Variants in KL observed in about 807,000 individuals in gnomAD.
KL encodes klotho.
In KL, 62 loss-of-function variants were observed where a neutral mutation model predicts 84.2. The observed-to-expected ratio is 0.74, with a 90% CI of 0.60 to 0.91. KL has a LOEUF of 0.91. Ranked by LOEUF, KL falls within the 40% of genes least tolerant of loss-of-function variation. The pLI is 0.00. For missense variants in KL, 1,261 were observed against 1,305.7 expected, an observed-to-expected ratio of 0.97 and a Z score of 0.53; for synonymous variants, 528 against 528.0, an observed-to-expected ratio of 1.00 and a Z score of 0.00.
rs1236519624 is a variant in KL at position 33,061,439 on chromosome 13, C to A, written c.2360C>A (p.Pro787His). The stretch of plus-strand genomic sequence containing the variant: ...AACCAAAGAAACAATTTTCTTCTTC[C>A]TTATTTCACTGAAGATGAAAAAAAG... ...WLNQRNNFLLPYFTEDEKKLI... is the reference protein window; with the variant it reads ...WLNQRNNFLLHYFTEDEKKLI... The change falls in exon 4 of 5, where the codon CCT becomes CAT. Residue 787 changes from proline (P) to histidine (H), a missense_variant. Coordinates refer to ENST00000380099, the MANE Select transcript of KL (RefSeq NM_004795.4). 1 of 1,614,160 alleles carries A rather than the reference C, an allele frequency of 6.2e-7. No individual in the cohort carries two copies. The highest frequency in any genetic ancestry group is 2.2e-5 in the East Asian group (1 of 44,886).
intron 1 of KL, among the ~76,000 whole-genome samples, chr13:33,024,573 T>C (rs532196215): frequency 6.6e-6 from 1 of 152,286 alleles, no homozygotes; most frequent in African/African-American, 2.4e-5. Context: ...AGGGCTCTTT[T>C]CGTGAGGGTC....
Position 33,055,227 on chromosome 13 carries a change from A to G in KL, c.1511A>G (p.Asn504Ser). The G allele has an allele frequency of 6.2e-7, 1 of 1,614,240 alleles. No homozygotes were observed. The highest frequency in any genetic ancestry group is 8.5e-7 in the Non-Finnish European group (1 of 1,180,044). ...TTCTACCAAAAGCTGATAGAGAAAA[A>G]TGGCTTCCCTCCTTTACCTGAAAAT... ...ALFYQKLIEK[N>S]GFPPLPENQP... The change falls in exon 3 of 5, where the codon AAT (asparagine) becomes AGT (serine). Residue 504 changes from asparagine to serine, a missense_variant. Transcript: ENST00000380099.
At chr13:33,018,951 A>G (rs1197079516) in intron 1 of KL, among the ~76,000 whole-genome samples, 3 of 152,170 alleles carry the variant, frequency 2.0e-5, no homozygotes, top group African/African-American at 7.2e-5. Context: ...AATAATCAAC[A>G]TGTTTTAGAT....
rs755125157 is a variant in KL at position 33,055,127 on chromosome 13, A to G, written c.1411A>G (p.Ser471Gly). 9 of 1,614,200 alleles carry G rather than the reference A, an allele frequency of 5.6e-6. No homozygotes were observed. ...TGGTTTCGAGTGGCACAGAGGTTACAGCATCAGGCGTGGACTCTTCTATGT... is the reference window on the plus strand; with the variant it reads ...TGGTTTCGAGTGGCACAGAGGTTACGGCATCAGGCGTGGACTCTTCTATGT... ...MDGFEWHRGY[S>G]IRRGLFYVDF... Residue 471 changes from serine (S) to glycine (G), a missense_variant, in exon 3 of 5, where the codon AGC becomes GGC. By Grantham distance (56) the Ser-to-Gly change is moderately conservative. Transcript: ENST00000380099.
intron 1 of KL, among the ~76,000 whole-genome samples, chr13:33,027,008 A>G (rs1250027869): frequency 6.6e-6 from 1 of 152,174 alleles, no homozygotes; most frequent in Non-Finnish European, 1.5e-5. Context: ...CCACCCTAGC[A>G]GCAACTTTAC....
intron 1 of KL, among the ~76,000 whole-genome samples, chr13:33,028,095 C>T (rs866114157): frequency 4.6e-5 from 7 of 152,298 alleles, no homozygotes; most frequent in African/African-American, 1.2e-4. Context: ...TGCCCATTGG[C>T]GGAGTCCACA....
chr13:33,032,214 C>G (rs759959222), intron 1 of KL, among the ~76,000 whole-genome samples: 1 of 152,214 alleles, frequency 6.6e-6, no homozygotes, highest in Non-Finnish European at 1.5e-5. Context: ...CTGAGAGTGT[C>G]ATCATTACAT....
chr13:33,056,502 C>T (rs1216654559), intron 3 of KL, among the ~76,000 whole-genome samples: 3 of 152,128 alleles, frequency 2.0e-5, no homozygotes, highest in Admixed American at 2.0e-4. Flanking sequence ...GACTTAAACC[C>T]TCGCCTTCCA....
Position 33,064,569 on chromosome 13 carries a change from T to G in KL, c.*383T>G, listed in dbSNP as rs554163687. ...TTAATGTTTTTCTGGAAGTAGTAATTGCAAGAGTTCGAATAGAAAGTTATG... is the reference window on the plus strand; with the variant it reads ...TTAATGTTTTTCTGGAAGTAGTAATGGCAAGAGTTCGAATAGAAAGTTATG... On this transcript the variant is annotated 3_prime_UTR_variant, in exon 5 of 5. Transcript: ENST00000380099. 11 of 278,410 alleles carry G rather than the reference T, an allele frequency of 4.0e-5. No individual in the cohort carries two copies. The East Asian group carries it at 6.1e-4, about 15-fold the overall frequency. 17.2% of individuals were successfully genotyped at this position (278,410 alleles called of 1,614,324 possible).
chr13:33,017,365 T>C (rs1161819295), intron 1 of KL, 106 bp downstream of exon 1: 2 of 1,072,842 alleles, frequency 1.9e-6, no homozygotes, highest in South Asian at 3.2e-5. Context: ...GAGGCTTCAC[T>C]TGGACACGTG....
Position 33,033,780 on chromosome 13 carries a change from C to T in KL, c.819+16521C>T, listed in dbSNP as rs566659614. ...ACTACTTCTGGGGGCCTCGAGGAGA[C>T]AGGAAGTCACCAAATTTACAGGTGC... On this transcript the variant is annotated intron_variant, in intron 1 of 4. Transcript: ENST00000380099. Among the ~76,000 whole-genome samples the T allele has an allele frequency of 3.3e-5, 5 of 152,012 alleles. No individual in the cohort carries two copies. The South Asian group carries it at 1.0e-3, about 32-fold the overall frequency.
Position 33,016,495 on chromosome 13 carries a change from C to A in KL, c.55C>A (p.Leu19Met). The A allele has an allele frequency of 8.3e-7, 1 of 1,210,128 alleles. No homozygotes were observed. Among genetic ancestry groups the A allele is most frequent in the Non-Finnish European group, 1.0e-6 (1 of 974,838 alleles). The allele number at this position is 1,210,128 out of a possible 1,614,324, so 75.0% of individuals were successfully genotyped here. A position where few individuals can be genotyped will look rare whatever the true frequency, so the allele number is the denominator to read the frequency against. The change falls in exon 1 of 5, where the codon CTG (leucine) becomes ATG (methionine). Residue 19 changes from leucine (L) to methionine (M), a missense_variant. Leu to Met is a conservative substitution (Grantham distance 15). Coordinates refer to ENST00000380099, the MANE Select transcript of KL (RefSeq NM_004795.4). ...RPRPPPPSLSLLLVLLGLGGR... is the reference protein window; with the variant it reads ...RPRPPPPSLSMLLVLLGLGGR... ...GCGGCCGCCGCCGCCGTCGCTGTCG[C>A]TGCTGCTGGTGCTGCTGGGCCTGGG... is the stretch of plus-strand genomic sequence containing the variant.
At chr13:33,043,543 G>A (rs1871415721) in intron 1 of KL, among the ~76,000 whole-genome samples, 1 of 152,176 alleles carries the variant, frequency 6.6e-6, no homozygotes, top group African/African-American at 2.4e-5. Context: ...TTTAGTTGTA[G>A]GCATCTTAGT....
chr13:33,064,016 G>C lies in KL; in HGVS notation c.2869G>C (p.Glu957Gln). The change falls in exon 5 of 5, where the codon GAA becomes CAA. Residue 957 changes from glutamate to glutamine, a missense_variant. Glu to Gln is a conservative substitution (Grantham distance 29). Transcript: ENST00000380099. Reference sequence around the variant, plus strand: ...TGACAGCAATGGTTTCCCGGGCCCAGAAACTCTGGAAAGATTTTGTCCAGA... The same window carrying C: ...TGACAGCAATGGTTTCCCGGGCCCACAAACTCTGGAAAGATTTTGTCCAGA... Reference protein sequence around the residue: ...IIDSNGFPGPETLERFCPEEF... With the variant: ...IIDSNGFPGPQTLERFCPEEF... 3 of 1,614,194 alleles carry C rather than the reference G, an allele frequency of 1.9e-6. No individual in the cohort carries two copies. The highest frequency in any genetic ancestry group is 2.5e-6 in the Non-Finnish European group (3 of 1,180,034).
intron 1 of KL, among the ~76,000 whole-genome samples, chr13:33,053,092 TG>T (rs1871813763): frequency 6.6e-6 from 1 of 152,216 alleles, no homozygotes; most frequent in African/African-American, 2.4e-5. Context: ...CTGATTTCCT[TG>T]CAGCTGTATT....
At chr13:33,050,365 C>T (rs553873) in intron 1 of KL, among the ~76,000 whole-genome samples, 101,146 of 152,044 alleles carry the variant, frequency 0.67, 34,128 homozygotes, top group Admixed American at 0.76. Flanking sequence ...TCCTAAATAG[C>T]GACCTTCCCA....
intron 1 of KL, among the ~76,000 whole-genome samples, chr13:33,019,732 T>A (rs7323138): frequency 0.086 from 11,445 of 133,308 alleles, 1,016 homozygotes; most frequent in African/African-American, 0.23. Context: ...TGTGTGTGTG[T>A]GAGAGAGAGA....
At chr13:33,021,584 C>T (rs1249632958) in intron 1 of KL, among the ~76,000 whole-genome samples, 7 of 152,100 alleles carry the variant, frequency 4.6e-5, no homozygotes, top group African/African-American at 1.7e-4. Flanking sequence ...GTTTTTCTTT[C>T]ATTAAAATGT....
chr13:33,032,748 A>C (rs932550193), intron 1 of KL, among the ~76,000 whole-genome samples: 2 of 152,252 alleles, frequency 1.3e-5, no homozygotes, highest in South Asian at 4.2e-4. Context: ...GGAGATACCC[A>C]TCTATTTTCT....
Sources: gnomAD v4.1 joint callset for allele counts (sites outside exome capture counted in the v4.1 genomes callset) on GRCh38, gnomAD v4.1.1 for gene constraint, MANE v1.5 for transcripts, NCBI Gene and HGNC (gene_info 2026-07-23, HGNC 2026-07-21) for gene names.